FGFR2: variants seen among roughly 807,000 people sequenced by gnomAD.
FGFR2 encodes BEK fibroblast growth factor receptor.
In FGFR2, 19 loss-of-function variants were observed where a neutral mutation model predicts 95.9. The observed-to-expected ratio is 0.20, with a 90% CI of 0.14 to 0.29. The LOEUF (loss-of-function observed/expected upper bound fraction) is 0.29. Ranked by LOEUF, FGFR2 falls within the 10% of genes least tolerant of loss-of-function variation. The pLI is 1.00. For missense variants in FGFR2, 707 were observed against 1,056.9 expected, an observed-to-expected ratio of 0.67 and a Z score of 4.59; for synonymous variants, 392 against 393.3, an observed-to-expected ratio of 1.00 and a Z score of 0.04.
chr10:121,533,198 G>A lies in FGFR2; in HGVS notation c.748+5394C>T, dbSNP rs182320393. 1.9e-3 allele frequency among the ~76,000 whole-genome samples: 286 copies of A among 152,326 alleles called. 2 individuals are homozygous for A. The highest frequency in any genetic ancestry group is 6.4e-3 in the African/African-American group (266 of 41,576). On this transcript the variant is annotated intron_variant, in intron 6 of 17. Coordinates refer to ENST00000358487, the MANE Select transcript of FGFR2 (RefSeq NM_000141.5). ...CAGGCCAGGTGTTCGAGACCAGCCT[G>A]GCCAACATGGTGAAACCCCATCTCT...
chr10:121,511,784 A>G (rs1849087791), intron 9 of FGFR2, among the ~76,000 whole-genome samples: 1 of 152,242 alleles, frequency 6.6e-6, no homozygotes, highest in African/African-American at 2.4e-5. Context: ...ATGTGCATAC[A>G]AAGTCTCAAA....
chr10:121,499,291 T>A (rs1847280094), intron 11 of FGFR2, among the ~76,000 whole-genome samples: 1 of 152,280 alleles, frequency 6.6e-6, no homozygotes, highest in South Asian at 2.1e-4. Flanking sequence ...GACTTTCCCA[T>A]GTGCCCTCCA....
intron 2 of FGFR2, among the ~76,000 whole-genome samples, chr10:121,582,513 G>A (rs1861100891): frequency 6.6e-6 from 1 of 152,090 alleles, no homozygotes; most frequent in African/African-American, 2.4e-5. Context: ...AGAACTCTAC[G>A]GCCAGGTGCG....
chr10:121,524,816 T>C (rs1851124869), intron 6 of FGFR2, among the ~76,000 whole-genome samples: 1 of 152,192 alleles, frequency 6.6e-6, no homozygotes. Flanking sequence ...AGAGCTCATG[T>C]GTTCTCCCCA....
At chr10:121,499,276 G>A (rs1847277635) in intron 11 of FGFR2, among the ~76,000 whole-genome samples, 1 of 152,132 alleles carries the variant, frequency 6.6e-6, no homozygotes. Flanking sequence ...TCTCCTAAGT[G>A]GCAAGACTTT....
At position 121,509,482 on chromosome 10, in the gene FGFR2, C is replaced by CTTTTTTTTTTTTTT. The variant is rs67778522; in HGVS notation, c.1288-5555_1288-5542dup. On this transcript the variant is annotated intron_variant, in intron 9 of 17. Coordinates refer to ENST00000358487, the MANE Select transcript of FGFR2 (RefSeq NM_000141.5). ...AGAAACAGTGTTATCTGTTTCTTTT[C>CTTTTTTTTTTTTTT]TTTTTTTTTTTTTTTTTTTTTTTTT... Among the ~76,000 whole-genome samples, 11 of 45,346 alleles carry CTTTTTTTTTTTTTT rather than the reference C, an allele frequency of 2.4e-4. 1 individual carries two copies. The highest frequency in any genetic ancestry group is 7.8e-4 in the African/African-American group (9 of 11,562). The allele number at this position is 45,346 out of a possible 152,430, so 29.7% of individuals were successfully genotyped here.
chr10:121,594,084 A>G, intron 1 of FGFR2, 117 bp from the exon 2 acceptor site: 1 of 565,742 alleles, frequency 1.8e-6, no homozygotes, highest in African/African-American at 1.9e-5. Context: ...GTTCTTTTTC[A>G]TTATCTGCTA....
In FGFR2 at chr10:121,517,372, G is replaced by C. The variant is rs121918492; in HGVS notation, c.1031C>G (p.Ala344Gly). 6.2e-7 allele frequency: 1 copy of C among 1,613,958 alleles called. No individual in the cohort carries two copies. Among genetic ancestry groups the C allele is most frequent in the Non-Finnish European group, 8.5e-7 (1 of 1,179,976 alleles). ...AAAGGATATCCCAATAGAATTACCCGCCAAGCACGTATATTCCCCAGCGTC... is the reference window on the plus strand; with the variant it reads ...AAAGGATATCCCAATAGAATTACCCCCCAAGCACGTATATTCCCCAGCGTC... ...FEDAGEYTCL[A>G]GNSIGISFHS... Residue 344 changes from alanine (A) to glycine (G), a missense_variant, in exon 8 of 18, where the codon GCG becomes GGG. Physicochemically the swap from Ala to Gly is moderately conservative, Grantham distance 60 (BLOSUM62 0). Transcript: ENST00000358487. The surrounding 1 kb of genome is among the most constrained non-coding windows in gnomAD (Gnocchi z 4.7).
intron 2 of FGFR2, among the ~76,000 whole-genome samples, chr10:121,569,119 C>T (rs914483305): frequency 6.6e-6 from 1 of 152,164 alleles, no homozygotes; most frequent in Admixed American, 6.5e-5. Flanking sequence ...ATTACTGTTA[C>T]TCTTCAAGGC....
chr10:121,494,584 G>A (rs1359759617), intron 13 of FGFR2, among the ~76,000 whole-genome samples: 2 of 152,086 alleles, frequency 1.3e-5, no homozygotes, highest in African/African-American at 4.8e-5. Context: ...GCTTATTTAG[G>A]AAGAGTTCAC....
In FGFR2 at chr10:121,488,042, A is replaced by G. The variant is rs747316497; in HGVS notation, c.1935T>C (p.Phe645=). The G allele has an allele frequency of 6.2e-7, 1 of 1,614,190 alleles. No individual in the cohort carries two copies. Among genetic ancestry groups the G allele is most frequent in the Non-Finnish European group, 8.5e-7 (1 of 1,180,016 alleles). The change falls in exon 14 of 18, where the codon TTT becomes TTC. Residue 645 remains phenylalanine (F), a synonymous_variant. Coordinates refer to ENST00000358487, the MANE Select transcript of FGFR2 (RefSeq NM_000141.5). ...TENNVMKIAD[F]GLARDINNID... Reference sequence around the variant, plus strand: ...TATTGTTGATATCTCTGGCGAGTCCAAAGTCTGCTATTTTCATCACATTGT... The same window carrying G: ...TATTGTTGATATCTCTGGCGAGTCCGAAGTCTGCTATTTTCATCACATTGT...
intron 9 of FGFR2, among the ~76,000 whole-genome samples, chr10:121,509,482 CTTTTTTTTTTTTTTTTT>C (rs67778522): frequency 8.8e-5 from 4 of 45,346 alleles, no homozygotes; most frequent in East Asian, 9.4e-4. Flanking sequence ...TGTTTCTTTT[CTTTTTTTTTTTTTTTTT>C]TTTTTTTTTT....
At position 121,596,543 on chromosome 10, in the gene FGFR2, C is replaced by T. The variant is rs767824870; in HGVS notation, c.-151+1419G>A. 5.9e-4 allele frequency: 117 copies of T among 197,668 alleles called. 1 individual carries two copies. Among genetic ancestry groups the T allele is most frequent in the Non-Finnish European group, 1.1e-3 (104 of 95,302 alleles). The allele number at this position is 197,668 out of a possible 1,614,324, so 12.2% of individuals were successfully genotyped here. ...AACAGTGTCCGGCTCCTCCAAAGTGCAGACCCATCTCTTCGCTTAAGGCCT... is the reference window on the plus strand; with the variant it reads ...AACAGTGTCCGGCTCCTCCAAAGTGTAGACCCATCTCTTCGCTTAAGGCCT... On this transcript the variant is annotated intron_variant, in intron 1 of 17. Coordinates refer to ENST00000358487, the MANE Select transcript of FGFR2 (RefSeq NM_000141.5).
chr10:121,563,668 A>T (rs2135072083), intron 4 of FGFR2, among the ~76,000 whole-genome samples: 1 of 152,298 alleles, frequency 6.6e-6, no homozygotes, highest in African/African-American at 2.4e-5. Flanking sequence ...ACCCCAGAAA[A>T]TAGTATTATT....
chr10:121,479,792 T>C lies in FGFR2; in HGVS notation c.*65A>G, dbSNP rs1187306215. On this transcript the variant is annotated 3_prime_UTR_variant, in exon 18 of 18. Transcript: ENST00000358487. ...AGACAACAAGCTCTGGGAGGCATGG[T>C]CTCCCTGCTCAGTGTAGCTAGGTTC... 2 of 1,613,320 alleles carry C rather than the reference T, an allele frequency of 1.2e-6. No homozygotes were observed. Among genetic ancestry groups the C allele is most frequent in the Non-Finnish European group, 1.7e-6 (2 of 1,179,430 alleles).
chr10:121,584,987 G>A (rs1219651), intron 2 of FGFR2, among the ~76,000 whole-genome samples: 54,293 of 132,188 alleles, frequency 0.41, 11,733 homozygotes, highest in Admixed American at 0.43. Flanking sequence ...CACCCCAACC[G>A]ATTCCATAAC....
intron 6 of FGFR2, among the ~76,000 whole-genome samples, chr10:121,533,830 C>T (rs553687381): frequency 5.9e-5 from 9 of 152,280 alleles, no homozygotes; most frequent in Admixed American, 3.3e-4. Flanking sequence ...TCCAGAATGC[C>T]TGCTCCAAGC....
At chr10:121,543,693 C>T (rs546808053) in intron 5 of FGFR2, among the ~76,000 whole-genome samples, 2 of 152,166 alleles carry the variant, frequency 1.3e-5, no homozygotes, top group Non-Finnish European at 2.9e-5. Context: ...GAGGCAAACA[C>T]CTGTTAATGC....
chr10:121,488,158 C>A (rs757711784), intron 13 of FGFR2, 45 bp from the exon 14 acceptor site: 1 of 1,609,756 alleles, frequency 6.2e-7, no homozygotes, highest in Non-Finnish European at 8.5e-7. Context: ...TTTCAAAACA[C>A]CGCCAGAACA....
Sources: allele counts gnomAD v4.1 joint callset (sites outside exome capture counted in the v4.1 genomes callset), GRCh38; gene constraint gnomAD v4.1.1; non-coding constraint Gnocchi (gnomAD v3.1); transcripts MANE v1.5; gene names NCBI Gene and HGNC (gene_info 2026-07-23, HGNC 2026-07-21).